The following TTC28 variants were observed in gnomAD, a reference collection of about 807,000 sequenced individuals.
TTC28 encodes tetratricopeptide repeat domain 28, also known as tetratricopeptide repeat protein 28.
A neutral mutation model predicts 198.0 loss-of-function variants in TTC28; 61 were observed. The observed-to-expected ratio is 0.31, with a 90% confidence interval of 0.25 to 0.38. The LOEUF (loss-of-function observed/expected upper bound fraction) is 0.38. Among genes scored for constraint, TTC28 ranks in the 10% least tolerant of loss-of-function variants. The pLI, the probability that TTC28 is intolerant of heterozygous loss-of-function variation, is 1.00. For missense variants in TTC28, 2,678 were observed against 3,164.0 expected (o/e 0.85, Z 3.69); for synonymous variants, 1,171 against 1,297.8 (o/e 0.90, Z 2.10).
At chr22:28,078,652 T>A (rs918345858) in intron 12 of TTC28, among the ~76,000 whole-genome samples, 56 of 152,220 alleles carry the variant, frequency 3.7e-4, no homozygotes, top group African/African-American at 1.2e-3. Flanking sequence ...TTAGACTATC[T>A]ATAGGAAAAT....
chr22:28,401,241 C>T (rs777080123), intron 2 of TTC28, among the ~76,000 whole-genome samples: 28 of 151,696 alleles, frequency 1.8e-4, no homozygotes, highest in Non-Finnish European at 3.2e-4. Flanking sequence ...ATGACGACGA[C>T]GACGACGACA....
At chr22:28,648,021 A>G (rs1156612299) in intron 1 of TTC28, among the ~76,000 whole-genome samples, 4 of 149,980 alleles carry the variant, frequency 2.7e-5, no homozygotes, top group East Asian at 2.0e-4. Context: ...TCAGGAGACC[A>G]AGACCATCCT....
chr22:28,009,369 G>A (rs1420752893), intron 14 of TTC28, among the ~76,000 whole-genome samples: 10 of 152,244 alleles, frequency 6.6e-5, no homozygotes, highest in East Asian at 1.9e-4. Context: ...GAGGCTAATC[G>A]TTTTAGTCTT....
At chr22:28,353,685 A>C (rs146363990) in intron 2 of TTC28, among the ~76,000 whole-genome samples, 4 of 152,216 alleles carry the variant, frequency 2.6e-5, no homozygotes, top group African/African-American at 9.6e-5. Flanking sequence ...CTTATACTAT[A>C]TATAAAAACT....
intron 2 of TTC28, among the ~76,000 whole-genome samples, chr22:28,379,490 G>A (rs780197069): frequency 4.6e-5 from 7 of 152,208 alleles, no homozygotes; most frequent in Non-Finnish European, 1.0e-4. Context: ...GATGAACCTT[G>A]AGGACATTAT....
intron 2 of TTC28, among the ~76,000 whole-genome samples, chr22:28,386,311 G>C (rs909059681): frequency 9.1e-6 from 1 of 110,362 alleles, no homozygotes; most frequent in African/African-American, 3.5e-5. Flanking sequence ...AAAAAAGAAG[G>C]CTTCACCAGT....
At chr22:28,169,303 C>T (rs1239446053) in intron 5 of TTC28, among the ~76,000 whole-genome samples, 1 of 152,120 alleles carries the variant, frequency 6.6e-6, no homozygotes, top group African/African-American at 2.4e-5. Context: ...TACCATTTGA[C>T]CCAGCCATCC....
At chr22:28,497,503 T>C (rs565199786) in intron 2 of TTC28, among the ~76,000 whole-genome samples, 1 of 152,246 alleles carries the variant, frequency 6.6e-6, no homozygotes, top group South Asian at 2.1e-4. Flanking sequence ...AAAACACGGA[T>C]ACCCAGGATC....
intron 1 of TTC28, among the ~76,000 whole-genome samples, chr22:28,673,777 A>G (rs978359744): frequency 6.6e-6 from 1 of 152,210 alleles, no homozygotes; most frequent in African/African-American, 2.4e-5. Flanking sequence ...TGTTCCAAGC[A>G]TCATATTTGT....
intron 2 of TTC28, among the ~76,000 whole-genome samples, chr22:28,575,782 CT>C (rs929678990): frequency 2.8e-4 from 42 of 152,108 alleles, no homozygotes; most frequent in African/African-American, 6.3e-4. Flanking sequence ...AATGAGATTA[CT>C]TTTTTTATTG....
intron 2 of TTC28, among the ~76,000 whole-genome samples, chr22:28,591,155 C>A (rs1368763913): frequency 6.8e-6 from 1 of 146,194 alleles, no homozygotes; most frequent in East Asian, 2.0e-4. Flanking sequence ...GTCACCTAGG[C>A]TAGAGTACAG....
intron 2 of TTC28, among the ~76,000 whole-genome samples, chr22:28,375,003 G>A (rs571049144): frequency 1.3e-5 from 2 of 151,858 alleles, no homozygotes; most frequent in Admixed American, 6.6e-5. Flanking sequence ...CGGGAGGATC[G>A]CCTGAGCCCA....
In TTC28 at chr22:28,066,275, C is replaced by CGTGTGTGT. The variant is rs796325170; in HGVS notation, c.3932+27797_3932+27804dup. Among the ~76,000 whole-genome samples, 44 of 135,694 alleles carry CGTGTGTGT rather than the reference C, an allele frequency of 3.2e-4. No homozygotes were observed. The Middle Eastern group carries it at 0.011, about 33-fold the overall frequency. 89.0% of individuals were successfully genotyped at this position (135,694 alleles called of 152,430 possible). A position where few individuals can be genotyped will look rare whatever the true frequency, so the allele number is the denominator to read the frequency against. ...CACATTAATTACCTTACCTAGTTACCGTGTGTGTGTGTGTGTGTGTGTGTG... is the reference window on the plus strand; with the variant it reads ...CACATTAATTACCTTACCTAGTTACCGTGTGTGTGTGTGTGTGTGTGTGTGTGTGTGTG... On this transcript the variant is annotated intron_variant, in intron 12 of 22. Coordinates refer to ENST00000397906, the MANE Select transcript of TTC28 (RefSeq NM_001145418.2).
chr22:28,542,588 A>T lies in TTC28; in HGVS notation c.381+86964T>A, dbSNP rs1345330155. Among the ~76,000 whole-genome samples the T allele has an allele frequency of 2.0e-5, 3 of 152,222 alleles. No homozygotes were observed. In the East Asian group the frequency reaches 5.8e-4, roughly 29 times the overall value. The stretch of plus-strand genomic sequence containing the variant: ...TATGTATATTTTAACATAATTAAAA[A>T]TAAATAATTTATTAAAATATTACAT... On this transcript the variant is annotated intron_variant, in intron 2 of 22. Transcript: ENST00000397906.
At chr22:28,408,742 T>TA (rs2047036877) in intron 2 of TTC28, among the ~76,000 whole-genome samples, 1 of 152,212 alleles carries the variant, frequency 6.6e-6, no homozygotes, top group Non-Finnish European at 1.5e-5. Flanking sequence ...ACAGATGACT[T>TA]ACAATGACTA....
At chr22:28,306,683 T>C in intron 2 of TTC28, 40 bp from the exon 3 acceptor site, 1 of 1,544,456 alleles carries the variant, frequency 6.5e-7, no homozygotes, top group Non-Finnish European at 8.8e-7. Flanking sequence ...ATGCCTGTGC[T>C]CCAACAAGGC....
intron 5 of TTC28, among the ~76,000 whole-genome samples, chr22:28,247,627 G>A (rs1930203002): frequency 6.6e-6 from 1 of 152,190 alleles, no homozygotes; most frequent in East Asian, 1.9e-4. Context: ...CAGACTGGGG[G>A]AAGAGAAATA....
intron 2 of TTC28, among the ~76,000 whole-genome samples, chr22:28,329,141 C>T (rs937851969): frequency 2.6e-5 from 4 of 152,150 alleles, no homozygotes; most frequent in African/African-American, 9.6e-5. Flanking sequence ...CTATAACTTA[C>T]CCCCAATAAC....
At chr22:28,234,328 C>T (rs1929070752) in intron 5 of TTC28, among the ~76,000 whole-genome samples, 2 of 152,010 alleles carry the variant, frequency 1.3e-5, no homozygotes, top group South Asian at 4.1e-4. Flanking sequence ...AGGCGTGAGC[C>T]ACCACTTACC....
Sources: allele counts gnomAD v4.1 joint callset (sites outside exome capture counted in the v4.1 genomes callset), GRCh38; gene constraint gnomAD v4.1.1; transcripts MANE v1.5; gene names NCBI Gene and HGNC (gene_info 2026-07-23, HGNC 2026-07-21).